The following KIAA1671 variants were observed in gnomAD, a reference collection of about 807,000 sequenced individuals.
KIAA1671 encodes the protein KIAA1671.
A neutral mutation model predicts 131.2 loss-of-function variants in KIAA1671; 52 were observed. The ratio of observed to expected loss-of-function variants is 0.40; its 90% CI spans 0.32 to 0.50. KIAA1671 has a LOEUF of 0.50. Among genes scored for constraint, KIAA1671 ranks in the 20% least tolerant of loss-of-function variants. The pLI is 0.73. For missense variants in KIAA1671, 2,360 were observed against 2,364.2 expected (o/e 1.00, Z 0.04); for synonymous variants, 1,003 against 961.6 (o/e 1.04, Z -0.80).
chr22:25,039,804 A>T lies in KIAA1671; in HGVS notation c.2674A>T (p.Asn892Tyr). Residue 892 changes from asparagine (N) to tyrosine (Y), a missense_variant, in exon 5 of 13, where the codon AAT becomes TAT. Transcript: ENST00000358431. ...CCTCGATCCTCTTTCCAGGGCTACG[A>T]ATGGGCCTTCTGACTCCCAAGCACG... ...CPLDPLSRAT[N>Y]GPSDSQARTH... 6.6e-7 allele frequency: 1 copy of T among 1,522,384 alleles called. No individual in the cohort carries two copies. Among genetic ancestry groups the T allele is most frequent in the Non-Finnish European group, 8.8e-7 (1 of 1,130,446 alleles). The allele number at this position is 1,522,384 out of a possible 1,614,324, so 94.3% of individuals were successfully genotyped here.
At chr22:24,985,766 G>GTGTA (rs1923494211) in intron 1 of KIAA1671, among the ~76,000 whole-genome samples, 1 of 151,976 alleles carries the variant, frequency 6.6e-6, no homozygotes, top group Non-Finnish European at 1.5e-5. Flanking sequence ...GTGTGTGTGT[G>GTGTA]TGTATGGTGA....
At chr22:25,140,989 A>G (rs1042710570) in intron 6 of KIAA1671, among the ~76,000 whole-genome samples, 2 of 152,162 alleles carry the variant, frequency 1.3e-5, no homozygotes, top group African/African-American at 4.8e-5. Flanking sequence ...GGAACTTCCT[A>G]CAAGGCCCTC....
chr22:25,180,467 G>A, intron 9 of KIAA1671, among the ~76,000 whole-genome samples: 1 of 152,120 alleles, frequency 6.6e-6, no homozygotes, highest in East Asian at 1.9e-4. Context: ...GAACCCAGGA[G>A]GCGGAGGTTG....
At chr22:24,963,364 C>CA (rs766667437) in intron 1 of KIAA1671, among the ~76,000 whole-genome samples, 795 of 45,310 alleles carry the variant, frequency 0.018, 3 homozygotes, top group South Asian at 0.031. Context: ...AACTCCATCT[C>CA]AAAAAAAAAA....
At chr22:25,162,866 T>C (rs1283870865) in intron 6 of KIAA1671, among the ~76,000 whole-genome samples, 1 of 152,194 alleles carries the variant, frequency 6.6e-6, no homozygotes, top group Non-Finnish European at 1.5e-5. Flanking sequence ...AAGCCCAAAA[T>C]ATTTACTATC....
intron 6 of KIAA1671, among the ~76,000 whole-genome samples, chr22:25,069,527 A>C (rs1258459033): frequency 6.6e-6 from 1 of 152,110 alleles, no homozygotes; most frequent in East Asian, 1.9e-4. Flanking sequence ...TGTCCACAGG[A>C]GTGGACGGGC....
At chr22:24,999,934 G>C (rs559570324) in intron 1 of KIAA1671, among the ~76,000 whole-genome samples, 146 of 152,148 alleles carry the variant, frequency 9.6e-4, no homozygotes, top group African/African-American at 3.5e-3. Context: ...GCCTAGGCTG[G>C]AGTGCAGTGG....
chr22:25,058,834 C>A (rs1927996452), intron 6 of KIAA1671: 1 of 152,220 alleles, frequency 6.6e-6, no homozygotes, highest in Non-Finnish European at 1.5e-5. Flanking sequence ...ACGTCTGGTG[C>A]CCGGGCTGGG....
intron 1 of KIAA1671, among the ~76,000 whole-genome samples, chr22:24,996,338 G>A (rs75407234): frequency 0.028 from 4,281 of 152,158 alleles, 95 homozygotes; most frequent in South Asian, 0.067. Context: ...GGGAACCAGC[G>A]AGGAGACCCT....
At chr22:25,085,212 G>A (rs993903794) in intron 6 of KIAA1671, among the ~76,000 whole-genome samples, 3 of 152,164 alleles carry the variant, frequency 2.0e-5, no homozygotes, top group African/African-American at 4.8e-5. Context: ...TCATGTGGAC[G>A]CTTTTCTCAG....
chr22:25,156,495 TTG>T (rs889289180), intron 6 of KIAA1671, among the ~76,000 whole-genome samples: 5 of 152,202 alleles, frequency 3.3e-5, no homozygotes, highest in African/African-American at 7.2e-5. Flanking sequence ...TGTGCATGTG[TTG>T]TGTTTATATG....
At chr22:25,117,532 A>G (rs191532130) in intron 6 of KIAA1671, among the ~76,000 whole-genome samples, 1 of 149,826 alleles carries the variant, frequency 6.7e-6, no homozygotes, top group African/African-American at 2.5e-5. Context: ...TGTGTTAATT[A>G]TGGACTGTAA....
At chr22:25,179,517 G>A in intron 9 of KIAA1671, 2 of 1,608,362 alleles carry the variant, frequency 1.2e-6, no homozygotes, top group South Asian at 2.2e-5. Context: ...TCGTGCTCGC[G>A]CGGCTCCACC....
intron 7 of KIAA1671, among the ~76,000 whole-genome samples, chr22:25,171,864 T>C (rs1023667014): frequency 3.3e-5 from 5 of 152,044 alleles, no homozygotes; most frequent in African/African-American, 1.2e-4. Flanking sequence ...TTTGGGGTGA[T>C]GGAAATTTCT....
intron 5 of KIAA1671, among the ~76,000 whole-genome samples, chr22:25,047,586 C>A (rs2145817770): frequency 6.6e-6 from 1 of 151,950 alleles, no homozygotes; most frequent in African/African-American, 2.4e-5. Context: ...AATTCTCCTG[C>A]CTCAGCCTTC....
At chr22:25,047,681 G>A (rs1384292978) in intron 5 of KIAA1671, among the ~76,000 whole-genome samples, 1 of 151,774 alleles carries the variant, frequency 6.6e-6, no homozygotes, top group Non-Finnish European at 1.5e-5. Context: ...CCATGTTGGC[G>A]AGGCTGGTCT....
rs188473328 is a variant in KIAA1671, at chr22:24,980,421, G to A, written c.-208+27649G>A. On this transcript the variant is annotated intron_variant, in intron 1 of 12. Transcript: ENST00000358431. ...TGGGTAGCTGGGATTACAGGCACCC[G>A]CCACCACACCAGGCAAATTTTTGTA... Among the ~76,000 whole-genome samples the A allele has an allele frequency of 3.0e-3, 458 of 151,770 alleles. 4 individuals carry two copies. The highest frequency in any genetic ancestry group is 0.011 in the African/African-American group (435 of 41,380).
At chr22:25,178,989 C>T (rs1251679332) in intron 9 of KIAA1671, among the ~76,000 whole-genome samples, 2 of 152,234 alleles carry the variant, frequency 1.3e-5, no homozygotes, top group African/African-American at 4.8e-5. Context: ...CGTAAGGACC[C>T]GCGATCCCAC....
At chr22:25,050,563 A>T (rs990022770) in intron 6 of KIAA1671, 1 of 152,254 alleles carries the variant, frequency 6.6e-6, no homozygotes, top group African/African-American at 2.4e-5. Flanking sequence ...CACAGGCAAG[A>T]AACTTTGCTT....
Sources: gnomAD v4.1 joint callset for allele counts (sites outside exome capture counted in the v4.1 genomes callset) on GRCh38, gnomAD v4.1.1 for gene constraint, MANE v1.5 for transcripts, NCBI Gene and HGNC (gene_info 2026-07-23, HGNC 2026-07-21) for gene names.